CFAP300: variants seen among roughly 807,000 people sequenced by gnomAD.
The protein encoded by CFAP300 is cilia- and flagella-associated protein 300.
A neutral mutation model predicts 33.0 loss-of-function variants in CFAP300; 32 were observed. The ratio of observed to expected loss-of-function variants is 0.97; its 90% CI spans 0.73 to 1.30. The LOEUF is 1.30. Among genes scored for constraint, CFAP300 ranks in the 50% most tolerant of loss-of-function variants. CFAP300 has a pLI of 0.00. For missense variants in CFAP300, 356 were observed against 318.1 expected, an observed-to-expected ratio of 1.12 and a Z score of -0.90; for synonymous variants, 102 against 106.8, an observed-to-expected ratio of 0.95 and a Z score of 0.28.
chr11:102,058,549 A>G (rs1942093445), intron 2 of CFAP300, among the ~76,000 whole-genome samples: 1 of 148,606 alleles, frequency 6.7e-6, no homozygotes, highest in Non-Finnish European at 1.5e-5. Flanking sequence ...TAGATCTAGT[A>G]TGTCAGTTGT....
chr11:102,063,792 C>G (rs905138022), intron 3 of CFAP300, among the ~76,000 whole-genome samples: 49 of 152,142 alleles, frequency 3.2e-4, no homozygotes, highest in African/African-American at 1.1e-3. Context: ...ACACTGCAGC[C>G]TGGGTGACAG....
At chr11:102,063,116 G>A (rs1039870478) in intron 3 of CFAP300, among the ~76,000 whole-genome samples, 5 of 124,058 alleles carry the variant, frequency 4.0e-5, no homozygotes, top group Non-Finnish European at 6.8e-5. Context: ...CAGAACATAC[G>A]GGCTAAATTG....
At chr11:102,054,486 A>C (rs1942019229) in intron 2 of CFAP300, among the ~76,000 whole-genome samples, 1 of 152,010 alleles carries the variant, frequency 6.6e-6, no homozygotes, top group Non-Finnish European at 1.5e-5. Context: ...TAATCCCAAC[A>C]CTTTGGGAGC....
intron 2 of CFAP300, among the ~76,000 whole-genome samples, chr11:102,048,498 C>T (rs978289191): frequency 1.3e-5 from 2 of 152,154 alleles, no homozygotes; most frequent in Non-Finnish European, 2.9e-5. Flanking sequence ...CCCAGCCTCT[C>T]TTTTTCAATA....
In CFAP300 at chr11:102,084,007, TC is replaced by T. The variant is rs1273284112; in HGVS notation, c.*810del. On this transcript the variant is annotated 3_prime_UTR_variant, in exon 7 of 7. Transcript: ENST00000434758. ...TCTAGCTCTGGCAACAGAGCAAGAC[TC>T]CGTCTCAGAAAAAAAAAAGGTTCTG... 6.7e-6 allele frequency: 1 copy of T among 150,308 alleles called. No individual in the cohort carries two copies. Among genetic ancestry groups the T allele is most frequent in the African/African-American group, 2.5e-5 (1 of 40,306 alleles). The allele number at this position is 150,308 out of a possible 1,614,324, so 9.3% of individuals were successfully genotyped here. A position where few individuals can be genotyped will look rare whatever the true frequency, so the allele number is the denominator to read the frequency against.
At chr11:102,079,383 A>G (rs191623125) in intron 5 of CFAP300, among the ~76,000 whole-genome samples, 8 of 152,374 alleles carry the variant, frequency 5.3e-5, no homozygotes. Flanking sequence ...TTTAAGCAGT[A>G]TGTTAAGCAA....
At chr11:102,070,959 T>G (rs1451786900) in intron 4 of CFAP300, among the ~76,000 whole-genome samples, 4 of 152,192 alleles carry the variant, frequency 2.6e-5, no homozygotes, top group Non-Finnish European at 5.9e-5. Context: ...GTTTTGTGAC[T>G]CAGCATATGG....
In CFAP300 at chr11:102,081,220, G is replaced by T. The variant is rs538201508; in HGVS notation, c.614G>T (p.Arg205Leu). ...CCTTTTCTTCCTTTTTTTAGTGTTC[G>T]AAAGAATCCTCAAACCAAGAAAATA... is the stretch of plus-strand genomic sequence containing the variant. ...KLIYKDLVSVRKNPQTKKIQI... is the reference protein window; with the variant it reads ...KLIYKDLVSVLKNPQTKKIQI... The change falls in exon 6 of 7, where the codon CGA becomes CTA. Residue 205 changes from arginine (R) to leucine (L), a missense_variant. Coordinates refer to ENST00000434758, the MANE Select transcript of CFAP300 (RefSeq NM_032930.3). The T allele has an allele frequency of 1.2e-6, 2 of 1,604,432 alleles. No homozygotes were observed. Among genetic ancestry groups the T allele is most frequent in the Non-Finnish European group, 1.7e-6 (2 of 1,177,240 alleles).
At position 102,047,491 on chromosome 11, in the gene CFAP300, G is replaced by A. The variant is rs1206991035; in HGVS notation, c.21G>A (p.Gly7=). 6.5e-6 allele frequency: 10 copies of A among 1,535,978 alleles called. No homozygotes were observed. In the Middle Eastern group the frequency reaches 5.0e-4, roughly 77 times the overall value. Reference sequence around the variant, plus strand: ...GCACGATGGCTACTGGGGAGCTCGGGGACTTGGGTGGCTACTACTTCAGGT... The same window carrying A: ...GCACGATGGCTACTGGGGAGCTCGGAGACTTGGGTGGCTACTACTTCAGGT... The part of the protein sequence containing the change: MATGEL[G]DLGGYYFRFL... The change falls in exon 1 of 7, where the codon GGG becomes GGA. Residue 7 remains glycine, a synonymous_variant. Transcript: ENST00000434758.
chr11:102,081,372 T>A (rs754423601), intron 6 of CFAP300, 91 bp downstream of exon 6: 3 of 994,802 alleles, frequency 3.0e-6, no homozygotes, highest in Admixed American at 2.0e-5. Context: ...AGGACAATGT[T>A]ATGCCTAGGA....
At chr11:102,052,999 G>A (rs1054099243) in intron 2 of CFAP300, among the ~76,000 whole-genome samples, 6 of 152,170 alleles carry the variant, frequency 3.9e-5, no homozygotes, top group South Asian at 4.1e-4. Flanking sequence ...AGCCTGAGGC[G>A]GGTGGATCAC....
At chr11:102,075,337 A>G (rs948157560) in intron 4 of CFAP300, among the ~76,000 whole-genome samples, 5 of 152,162 alleles carry the variant, frequency 3.3e-5, no homozygotes, top group Non-Finnish European at 5.9e-5. Flanking sequence ...TGATGTGTGA[A>G]GTGATCTTAC....
intron 2 of CFAP300, among the ~76,000 whole-genome samples, chr11:102,049,045 GA>G (rs539065836): frequency 6.0e-4 from 92 of 152,094 alleles, no homozygotes; most frequent in Admixed American, 4.3e-3. Context: ...TACAATAAAT[GA>G]AAAAACAATC....
At position 102,057,339 on chromosome 11, in the gene CFAP300, CAAA is replaced by C. The variant is rs68076980; in HGVS notation, c.193-1529_193-1527del. Among the ~76,000 whole-genome samples the C allele has an allele frequency of 2.0e-3, 260 of 129,950 alleles. 3 individuals are homozygous for C. In the Middle Eastern group the frequency reaches 0.023, roughly 11 times the overall value. The allele number at this position is 129,950 out of a possible 152,430, so 85.3% of individuals were successfully genotyped here. On this transcript the variant is annotated intron_variant, in intron 2 of 6. Transcript: ENST00000434758. ...GGGCAACAAGAGCGAAACTCCATCTCAAAAAAAAAAAAAAGAAAAAAAGAAAAC... is the reference window on the plus strand; with the variant it reads ...GGGCAACAAGAGCGAAACTCCATCTCAAAAAAAAAAAGAAAAAAAGAAAAC...
intron 2 of CFAP300, among the ~76,000 whole-genome samples, chr11:102,054,517 G>A (rs1316780217): frequency 6.6e-6 from 1 of 151,482 alleles, no homozygotes; most frequent in South Asian, 2.1e-4. Flanking sequence ...TGGATCCTCA[G>A]GTCAGGAGTT....
chr11:102,058,228 G>A (rs1942088025), intron 2 of CFAP300, among the ~76,000 whole-genome samples: 2 of 151,956 alleles, frequency 1.3e-5, no homozygotes, highest in South Asian at 4.2e-4. Flanking sequence ...ATTTTCTTCT[G>A]CCTTTTCAGC....
chr11:102,079,571 A>G (rs1406949176), intron 5 of CFAP300, among the ~76,000 whole-genome samples: 4 of 152,184 alleles, frequency 2.6e-5, no homozygotes, highest in Admixed American at 2.6e-4. Flanking sequence ...TCAACCATAC[A>G]TACACACACA....
chr11:102,081,534 C>G, intron 6 of CFAP300: 1 of 547,510 alleles, frequency 1.8e-6, no homozygotes, highest in Non-Finnish European at 3.2e-6. Context: ...AAATCTGTGA[C>G]TCAGATAGAG....
At chr11:102,066,972 C>G (rs1195996266) in intron 4 of CFAP300, among the ~76,000 whole-genome samples, 1 of 152,196 alleles carries the variant, frequency 6.6e-6, no homozygotes, top group Non-Finnish European at 1.5e-5. Context: ...AGTGCTGAAG[C>G]AGGAAAGTCC....
Sources: gnomAD v4.1 joint callset for allele counts (sites outside exome capture counted in the v4.1 genomes callset) on GRCh38, gnomAD v4.1.1 for gene constraint, MANE v1.5 for transcripts, NCBI Gene and HGNC (gene_info 2026-07-23, HGNC 2026-07-21) for gene names.